AJAP1: variants seen among roughly 807,000 people sequenced by gnomAD.
AJAP1 encodes adherens junction-associated protein 1.
A neutral mutation model predicts 35.0 loss-of-function variants in AJAP1; 5 were observed. That is an observed-to-expected ratio of 0.14 (90% confidence interval 0.07 to 0.30). The LOEUF (loss-of-function observed/expected upper bound fraction) is 0.30, where lower values mean the gene tolerates loss of function less well. AJAP1 is among the 10% of genes least tolerant of loss of function. The probability of loss-of-function intolerance (pLI) is 1.00; values close to 1 mark genes in which losing one functional copy is unlikely to be tolerated. For missense variants in AJAP1, 586 were observed against 571.0 expected, an observed-to-expected ratio of 1.03 and a Z score of -0.27; for synonymous variants, 284 against 249.3, an observed-to-expected ratio of 1.14 and a Z score of -1.31.
At chr1:4,778,852 T>G (rs1188018321) in intron 5 of AJAP1, among the ~76,000 whole-genome samples, 1 of 152,154 alleles carries the variant, frequency 6.6e-6, no homozygotes, top group African/African-American at 2.4e-5. Context: ...TCTTAGCGAC[T>G]GAGGACAAAA....
intron 1 of AJAP1, among the ~76,000 whole-genome samples, chr1:4,674,715 A>G (rs1215274883): frequency 1.3e-5 from 2 of 152,156 alleles, no homozygotes; most frequent in African/African-American, 2.4e-5. Flanking sequence ...GGAAGCTCTC[A>G]GAGCTCTAGT....
chr1:4,736,427 T>C (rs975439017), intron 2 of AJAP1, among the ~76,000 whole-genome samples: 2 of 152,298 alleles, frequency 1.3e-5, no homozygotes. Flanking sequence ...CCCAGCTCAC[T>C]CTGCTCCAAA....
intron 2 of AJAP1, among the ~76,000 whole-genome samples, chr1:4,736,371 C>T (rs1159483440): frequency 1.3e-5 from 2 of 152,196 alleles, no homozygotes; most frequent in Admixed American, 1.3e-4. Context: ...GTGCGCAGCC[C>T]TCCCTTTCCC....
At position 4,680,153 on chromosome 1, in the gene AJAP1, T is replaced by C. The variant is rs111271411; in HGVS notation, c.29+24699T>C. ...TGTCAGTCTTCTATCCAGGCCTTCA[T>C]CTGATTGGATGAAGCCCACCCACAT... is the stretch of plus-strand genomic sequence containing the variant. On this transcript the variant is annotated intron_variant, in intron 1 of 5. Coordinates refer to ENST00000378191, the MANE Select transcript of AJAP1 (RefSeq NM_018836.4). Among the ~76,000 whole-genome samples, 612 of 152,226 alleles carry C rather than the reference T, an allele frequency of 4.0e-3. 7 individuals are homozygous for C. Among genetic ancestry groups the C allele is most frequent in the African/African-American group, 0.014 (575 of 41,548 alleles).
At chr1:4,684,503 A>C (rs1352753777) in intron 1 of AJAP1, among the ~76,000 whole-genome samples, 1 of 152,138 alleles carries the variant, frequency 6.6e-6, no homozygotes, top group African/African-American at 2.4e-5. Context: ...GGGGAGGGGA[A>C]GGGAGTACCT....
chr1:4,783,555 GTA>G lies in AJAP1; in HGVS notation c.*1078_*1079del, dbSNP rs1162206179. 5.0e-5 allele frequency: 7 copies of G among 141,258 alleles called. No homozygotes were observed. The highest frequency in any genetic ancestry group is 1.3e-4 in the African/African-American group (5 of 38,248). The allele number at this position is 141,258 out of a possible 1,614,324, so 8.8% of individuals were successfully genotyped here. On this transcript the variant is annotated 3_prime_UTR_variant, in exon 6 of 6. Coordinates refer to ENST00000378191, the MANE Select transcript of AJAP1 (RefSeq NM_018836.4). ...TATATATATATATATGTTTGTGTGT[GTA>G]TATATATGTTTGTGTATATATATAC...
At chr1:4,722,291 C>T (rs970774188) in intron 2 of AJAP1, among the ~76,000 whole-genome samples, 3 of 152,228 alleles carry the variant, frequency 2.0e-5, no homozygotes, top group East Asian at 1.9e-4. Context: ...CACCGAGCCG[C>T]GGGGCAGGTG....
intron 2 of AJAP1, among the ~76,000 whole-genome samples, chr1:4,728,868 C>A (rs1640734226): frequency 2.0e-5 from 3 of 152,068 alleles, no homozygotes; most frequent in Non-Finnish European, 4.4e-5. Context: ...TGTCATTGCT[C>A]CCTATTGAAA....
At chr1:4,688,142 G>C (rs553577103) in intron 1 of AJAP1, among the ~76,000 whole-genome samples, 1 of 152,172 alleles carries the variant, frequency 6.6e-6, no homozygotes, top group South Asian at 2.1e-4. Context: ...AGGCTGGAGC[G>C]GTGGCCCCAG....
chr1:4,662,048 GTGTGTGTGTGTGTGTGTGTC>G lies in AJAP1; in HGVS notation c.29+6607_29+6626del, dbSNP rs1639010163. ...GTAAAAGGAATTGCCCTTTATATTT[GTGTGTGTGTGTGTGTGTGTC>G]TGTGTGTGTGTGCATTTTTTTTGAA... On this transcript the variant is annotated intron_variant, in intron 1 of 5. Coordinates refer to ENST00000378191, the MANE Select transcript of AJAP1 (RefSeq NM_018836.4). Among the ~76,000 whole-genome samples, 9 of 81,038 alleles carry G rather than the reference GTGTGTGTGTGTGTGTGTGTC, an allele frequency of 1.1e-4. 1 individual carries two copies. The South Asian group carries it at 3.5e-3, about 32-fold the overall frequency. 53.2% of individuals were successfully genotyped at this position (81,038 alleles called of 152,430 possible). A position where few individuals can be genotyped will look rare whatever the true frequency, so the allele number is the denominator to read the frequency against.
At chr1:4,762,319 T>G (rs1641584737) in intron 2 of AJAP1, among the ~76,000 whole-genome samples, 1 of 152,158 alleles carries the variant, frequency 6.6e-6, no homozygotes, top group African/African-American at 2.4e-5. Flanking sequence ...GCCTGAGAAG[T>G]GTCTTTTTTG....
intron 1 of AJAP1, among the ~76,000 whole-genome samples, chr1:4,678,618 C>T (rs2071995): frequency 0.12 from 18,783 of 152,182 alleles, 1,485 homozygotes; most frequent in East Asian, 0.29. Context: ...AGTACCCTAG[C>T]GAGATGGATG....
At chr1:4,778,623 T>TCTCTCCCC (rs1641986563) in intron 5 of AJAP1, among the ~76,000 whole-genome samples, 1 of 150,740 alleles carries the variant, frequency 6.6e-6, no homozygotes, top group Admixed American at 6.6e-5. Context: ...CTTCTCTCTG[T>TCTCTCCCC]CTCTCCCCCT....
intron 2 of AJAP1, among the ~76,000 whole-genome samples, chr1:4,729,592 C>T (rs1441986018): frequency 2.2e-5 from 1 of 45,404 alleles, no homozygotes; most frequent in Non-Finnish European, 4.3e-5. Context: ...GAATCTGTCT[C>T]CACCCGAGCC....
chr1:4,780,119 G>C (rs1416413825), intron 5 of AJAP1, among the ~76,000 whole-genome samples: 2 of 125,796 alleles, frequency 1.6e-5, no homozygotes, highest in Non-Finnish European at 3.2e-5. Context: ...ACTCCAGCCT[G>C]GGTGACAGTC....
intron 2 of AJAP1, among the ~76,000 whole-genome samples, chr1:4,746,742 G>A (rs1041359618): frequency 6.6e-6 from 1 of 152,198 alleles, no homozygotes; most frequent in Non-Finnish European, 1.5e-5. Flanking sequence ...GGTGACAGAG[G>A]GGCATGGAGT....
intron 2 of AJAP1, among the ~76,000 whole-genome samples, chr1:4,733,992 G>A (rs1375714636): frequency 6.6e-6 from 1 of 152,228 alleles, no homozygotes; most frequent in Non-Finnish European, 1.5e-5. Flanking sequence ...AGGTGTGTGC[G>A]TCGCGAGCAG....
chr1:4,768,947 G>A (rs919286716), intron 2 of AJAP1, among the ~76,000 whole-genome samples: 2 of 152,212 alleles, frequency 1.3e-5, no homozygotes, highest in African/African-American at 4.8e-5. Flanking sequence ...CTGTGTCTGT[G>A]GTTAGCGGCA....
rs35738488 is a variant in AJAP1 at position 4,780,633 on chromosome 1, C to CTTTT, written c.*60-1901_*60-1898dup. Among the ~76,000 whole-genome samples the CTTTT allele has an allele frequency of 8.7e-4, 115 of 131,440 alleles. 1 individual carries two copies. The highest frequency in any genetic ancestry group is 1.3e-3 in the Non-Finnish European group (84 of 63,076). The allele number at this position is 131,440 out of a possible 152,430, so 86.2% of individuals were successfully genotyped here. A position where few individuals can be genotyped will look rare whatever the true frequency, so the allele number is the denominator to read the frequency against. ...TCTTTTTTCTTTTCTTTCTTTCTTT[C>CTTTT]TTTTTTTTTTTTTTGTGGGACACAG... is the stretch of plus-strand genomic sequence containing the variant. On this transcript the variant is annotated intron_variant, in intron 5 of 5. Coordinates refer to ENST00000378191, the MANE Select transcript of AJAP1 (RefSeq NM_018836.4).
Sources: gnomAD v4.1 joint callset for allele counts (sites outside exome capture counted in the v4.1 genomes callset) on GRCh38, gnomAD v4.1.1 for gene constraint, MANE v1.5 for transcripts, NCBI Gene and HGNC (gene_info 2026-07-23, HGNC 2026-07-21) for gene names.